Variants in CHL1 observed in about 807,000 individuals in gnomAD.
CHL1 encodes the protein cell adhesion molecule L1 like.
In CHL1, 96 loss-of-function variants were observed where a neutral mutation model predicts 141.9. That is an observed-to-expected ratio of 0.68 (90% CI 0.57 to 0.80). CHL1 has a LOEUF of 0.80. Ranked by LOEUF, CHL1 falls within the 30% of genes least tolerant of loss-of-function variation. CHL1 has a pLI of 0.00. For missense variants in CHL1, 1,820 were observed against 1,457.2 expected (o/e 1.25, Z -4.05); for synonymous variants, 613 against 502.2 (o/e 1.22, Z -2.95).
chr3:310,946 C>T (rs1331614096), intron 2 of CHL1, among the ~76,000 whole-genome samples: 1 of 152,146 alleles, frequency 6.6e-6, no homozygotes, highest in Non-Finnish European at 1.5e-5. Flanking sequence ...AATAGTTTTG[C>T]CTTTTCCAGA....
chr3:354,510 A>G (rs1438107896), intron 10 of CHL1, 130 bp from the exon 11 acceptor site: 5 of 1,035,396 alleles, frequency 4.8e-6, no homozygotes, highest in Non-Finnish European at 6.9e-6. Flanking sequence ...CAAGTTTACC[A>G]AAAAGAGCTA....
intron 23 of CHL1, among the ~76,000 whole-genome samples, chr3:393,762 T>G (rs1406821616): frequency 6.6e-6 from 1 of 152,172 alleles, no homozygotes; most frequent in Non-Finnish European, 1.5e-5. Context: ...TTCACAATTA[T>G]GTGTTCAAAA....
chr3:204,098 G>T (rs1699197069), intron 1 of CHL1, among the ~76,000 whole-genome samples: 1 of 152,194 alleles, frequency 6.6e-6, no homozygotes, highest in African/African-American at 2.4e-5. Flanking sequence ...GTGTGTTTCA[G>T]TTGGGACTCT....
At chr3:307,889 C>A (rs970713383) in intron 2 of CHL1, among the ~76,000 whole-genome samples, 1 of 152,114 alleles carries the variant, frequency 6.6e-6, no homozygotes, top group Non-Finnish European at 1.5e-5. Context: ...TACCACACAG[C>A]CTATGCTAAA....
intron 1 of CHL1, among the ~76,000 whole-genome samples, chr3:238,857 C>T (rs901637466): frequency 6.6e-6 from 1 of 152,032 alleles, no homozygotes; most frequent in Non-Finnish European, 1.5e-5. Context: ...TGCTTGAACC[C>T]AGGAAGCAGA....
In CHL1 at chr3:390,981, G is replaced by A. The variant is rs763021543; in HGVS notation, c.2613G>A (p.Leu871=). 6.2e-7 allele frequency: 1 copy of A among 1,614,132 alleles called. No homozygotes were observed. The highest frequency in any genetic ancestry group is 8.5e-7 in the Non-Finnish European group (1 of 1,179,968). ...YQINWWKTKS[L]LDGRTHPKEV... is the part of the protein sequence containing the mutation. The stretch of plus-strand genomic sequence containing the variant: ...TAAATTGGTGGAAAACAAAAAGTCT[G>A]TTGGATGGAAGAACACATCCCAAAG... Residue 871 remains leucine (L), a synonymous_variant, in exon 22 of 28, where the codon CTG becomes CTA. Transcript: ENST00000256509.
Position 231,575 on chromosome 3 carries a change from C to CTTTTTTTTT in CHL1, c.-174-13026_-174-13018dup, listed in dbSNP as rs5845954. On this transcript the variant is annotated intron_variant, in intron 1 of 27. Transcript: ENST00000256509. ...ACATGTTTTAAAACCTTATTTCTTC[C>CTTTTTTTTT]TTTTTTTTTTTTTTTTTTTTGAGAT... Among the ~76,000 whole-genome samples, 3 of 100,564 alleles carry CTTTTTTTTT rather than the reference C, an allele frequency of 3.0e-5. 1 individual carries two copies. The highest frequency in any genetic ancestry group is 6.7e-5 in the African/African-American group (2 of 29,866). The allele number at this position is 100,564 out of a possible 152,430, so 66.0% of individuals were successfully genotyped here. A position where few individuals can be genotyped will look rare whatever the true frequency, so the allele number is the denominator to read the frequency against.
At chr3:209,003 G>T (rs1252494574) in intron 1 of CHL1, among the ~76,000 whole-genome samples, 6 of 152,068 alleles carry the variant, frequency 3.9e-5, no homozygotes, top group Non-Finnish European at 7.4e-5. Flanking sequence ...GCAAATAAAA[G>T]TAAAAAAATA....
intron 2 of CHL1, among the ~76,000 whole-genome samples, chr3:289,741 AT>A (rs558814062): frequency 8.7e-4 from 131 of 150,768 alleles, no homozygotes; most frequent in African/African-American, 3.0e-3. Context: ...TATTTAATAC[AT>A]ATTTTATGCT....
At chr3:256,121 G>A (rs536280229) in intron 2 of CHL1, among the ~76,000 whole-genome samples, 2 of 152,184 alleles carry the variant, frequency 1.3e-5, no homozygotes, top group African/African-American at 4.8e-5. Context: ...TATTCTAAGC[G>A]AAGTAAGGAG....
At chr3:288,428 C>G (rs924161944) in intron 2 of CHL1, among the ~76,000 whole-genome samples, 12 of 151,880 alleles carry the variant, frequency 7.9e-5, no homozygotes, top group Admixed American at 3.9e-4. Context: ...CAGTTTGCTA[C>G]TAATGTACAA....
chr3:382,376 A>G, intron 17 of CHL1, 96 bp downstream of exon 17: 2 of 1,461,296 alleles, frequency 1.4e-6, no homozygotes, highest in Non-Finnish European at 9.5e-7. Context: ...TATTCTTCTT[A>G]TAACATCCTT....
intron 8 of CHL1, among the ~76,000 whole-genome samples, 196 bp from the exon 9 acceptor site, chr3:344,393 G>A (rs917209829): frequency 6.6e-6 from 1 of 151,872 alleles, no homozygotes. Flanking sequence ...AAAAACATAT[G>A]AGGGACAACC....
intron 2 of CHL1, among the ~76,000 whole-genome samples, chr3:312,905 G>C (rs1407961483): frequency 6.6e-6 from 1 of 152,120 alleles, no homozygotes; most frequent in South Asian, 2.1e-4. Context: ...ATCTCTTCCT[G>C]CTGGCTATAA....
intron 11 of CHL1, among the ~76,000 whole-genome samples, chr3:357,967 G>T (rs562339629): frequency 6.6e-6 from 1 of 152,274 alleles, no homozygotes; most frequent in Admixed American, 6.5e-5. Context: ...CATTCCTAAA[G>T]AGTTTAGCCT....
intron 2 of CHL1, among the ~76,000 whole-genome samples, chr3:292,903 A>C (rs1009312097): frequency 2.0e-5 from 3 of 152,202 alleles, no homozygotes; most frequent in African/African-American, 7.2e-5. Context: ...CCTACCAGGC[A>C]CCACCTCCAA....
intron 13 of CHL1, among the ~76,000 whole-genome samples, chr3:362,124 C>G (rs1704316601): frequency 6.6e-6 from 1 of 152,076 alleles, no homozygotes; most frequent in Non-Finnish European, 1.5e-5. Context: ...ACCACAAGGT[C>G]ATGTTTTACT....
At chr3:251,482 A>C (rs1440806708) in intron 2 of CHL1, among the ~76,000 whole-genome samples, 6 of 152,176 alleles carry the variant, frequency 3.9e-5, no homozygotes, top group Non-Finnish European at 8.8e-5. Context: ...GTTTGTTATC[A>C]GTGTCATCAA....
chr3:337,521 C>G (rs538551368), intron 5 of CHL1, among the ~76,000 whole-genome samples: 1 of 151,196 alleles, frequency 6.6e-6, no homozygotes, highest in Non-Finnish European at 1.5e-5. Context: ...CCCCTCTCCC[C>G]CCACCCCACA....
Sources: allele counts gnomAD v4.1 joint callset (sites outside exome capture counted in the v4.1 genomes callset), GRCh38; gene constraint gnomAD v4.1.1; transcripts MANE v1.5; gene names NCBI Gene and HGNC (gene_info 2026-07-23, HGNC 2026-07-21).